ZNF469: variants seen among roughly 807,000 people sequenced by gnomAD.
ZNF469 encodes the protein zinc finger protein 469.
In ZNF469, 1 loss-of-function variant was observed where a neutral mutation model predicts 1.0. That is an observed-to-expected ratio of 1.00 (90% confidence interval 0.35 to 4.73). The LOEUF (loss-of-function observed/expected upper bound fraction) is 4.73. Among genes scored for constraint, ZNF469 ranks in the 30% most tolerant of loss-of-function variants. ZNF469 has a pLI of 0.16. For missense variants in ZNF469, 6,100 were observed against 5,356.3 expected (o/e 1.14, Z -4.33); for synonymous variants, 2,703 against 2,363.4 (o/e 1.14, Z -4.17).
rs1234817297 is a variant in ZNF469 at position 88,428,598 on chromosome 16, G to A, written c.1128G>A (p.Leu376=). The change falls in exon 3 of 3, where the codon CTG becomes CTA. Residue 376 remains leucine (L), a synonymous_variant. Coordinates refer to ENST00000565624, the MANE Select transcript of ZNF469 (RefSeq NM_001367624.2). ...TCTCTGACAGTTTACACAAGAGCCT[G>A]ACCAAAATCCTTCCCGAAAGACCAC... ...RPFSDSLHKS[L]TKILPERPPS... is the part of the protein sequence containing the mutation. 9 of 1,550,102 alleles carry A rather than the reference G, an allele frequency of 5.8e-6. No individual in the cohort carries two copies. Among genetic ancestry groups the A allele is most frequent in the East Asian group, 2.4e-5 (1 of 40,908 alleles).
At chr16:88,387,415 G>A (rs538004759) in intron 1 of ZNF469, among the ~76,000 whole-genome samples, 3 of 152,272 alleles carry the variant, frequency 2.0e-5, no homozygotes, top group East Asian at 1.9e-4. Context: ...GACTCGGGCC[G>A]CGGTCAGCAC....
chr16:88,390,483 G>A (rs923144077), intron 1 of ZNF469, among the ~76,000 whole-genome samples: 10 of 152,212 alleles, frequency 6.6e-5, no homozygotes, highest in Non-Finnish European at 1.3e-4. Context: ...CGCTCTGCCT[G>A]GGAACCCCCA....
chr16:88,336,638 C>T, the ZNF469 span, among the ~76,000 whole-genome samples: 2 of 151,956 alleles, frequency 1.3e-5, no homozygotes, highest in Non-Finnish European at 2.9e-5. Flanking sequence ...AACGTGCCAA[C>T]AGCACATATG....
At chr16:88,141,298 C>A in the ZNF469 span, among the ~76,000 whole-genome samples, 1 of 152,198 alleles carries the variant, frequency 6.6e-6, no homozygotes, top group African/African-American at 2.4e-5. Flanking sequence ...ACAAAAGACA[C>A]CAAAACCAGT....
At chr16:88,268,625 C>T in the ZNF469 span, among the ~76,000 whole-genome samples, 23 of 152,192 alleles carry the variant, frequency 1.5e-4, no homozygotes, top group African/African-American at 3.9e-4. Flanking sequence ...CTCATATCCC[C>T]GTGGGGGTTG....
chr16:88,263,165 G>A, the ZNF469 span, among the ~76,000 whole-genome samples: 11 of 152,212 alleles, frequency 7.2e-5, no homozygotes, highest in African/African-American at 2.4e-4. Context: ...GTCCAACCCC[G>A]GGGTTTACGG....
chr16:88,437,321 G>C lies in ZNF469; in HGVS notation c.9851G>C (p.Gly3284Ala). Residue 3284 changes from glycine (G) to alanine (A), a missense_variant, in exon 3 of 3, where the codon GGG becomes GCG. Coordinates refer to ENST00000565624, the MANE Select transcript of ZNF469 (RefSeq NM_001367624.2). The stretch of plus-strand genomic sequence containing the variant: ...CGCAGCACCCCCAGCAACCCAGACG[G>C]GGCCGCGACCCCAGACAGCGCCTCT... ...RARSTPSNPD[G>A]AATPDSASAT... 1 of 1,547,160 alleles carries C rather than the reference G, an allele frequency of 6.5e-7. No homozygotes were observed. Among genetic ancestry groups the C allele is most frequent in the Non-Finnish European group, 8.7e-7 (1 of 1,145,398 alleles).
In ZNF469 at chr16:88,437,024, C is replaced by G; in HGVS notation, c.9554C>G (p.Ala3185Gly). Residue 3185 changes from alanine to glycine, a missense_variant, in exon 3 of 3, where the codon GCC (alanine) becomes GGC (glycine). By Grantham distance (60) the Ala-to-Gly change is moderately conservative. Transcript: ENST00000565624. ...TGCGGCATGTGCCTGAAGGAGGTGG[C>G]CGACGTCTGGATGTACAACGAGCAC... is the stretch of plus-strand genomic sequence containing the variant. ...WACGMCLKEVADVWMYNEHLR... is the reference protein window; with the variant it reads ...WACGMCLKEVGDVWMYNEHLR... The G allele has an allele frequency of 1.3e-6, 2 of 1,528,230 alleles. No individual in the cohort carries two copies. The highest frequency in any genetic ancestry group is 1.8e-6 in the Non-Finnish European group (2 of 1,139,820). 94.7% of individuals were successfully genotyped at this position (1,528,230 alleles called of 1,614,324 possible). A position where few individuals can be genotyped will look rare whatever the true frequency, so the allele number is the denominator to read the frequency against.
chr16:88,157,867 G>A, the ZNF469 span, among the ~76,000 whole-genome samples: 1 of 151,968 alleles, frequency 6.6e-6, no homozygotes, highest in African/African-American at 2.4e-5. Flanking sequence ...CACCTGGTGA[G>A]GATGCCTGGG....
chr16:88,350,390 A>G, the ZNF469 span, among the ~76,000 whole-genome samples: 1 of 152,210 alleles, frequency 6.6e-6, no homozygotes, highest in Admixed American at 6.5e-5. Context: ...CTCCCGGCGC[A>G]CCCACCTCCC....
chr16:88,118,706 T>C, the ZNF469 span, among the ~76,000 whole-genome samples: 1 of 152,232 alleles, frequency 6.6e-6, no homozygotes, highest in Admixed American at 6.5e-5. Flanking sequence ...GGACTGCTTT[T>C]AAAAGAAGAT....
chr16:88,360,880 G>A, the ZNF469 span, among the ~76,000 whole-genome samples: 1 of 152,208 alleles, frequency 6.6e-6, no homozygotes, highest in East Asian at 1.9e-4. Flanking sequence ...TAGCCTCAGG[G>A]ACCGGTTTCA....
Position 88,436,488 on chromosome 16 carries a change from C to T in ZNF469, c.9018C>T (p.Ala3006=), listed in dbSNP as rs1048591670. The T allele has an allele frequency of 5.8e-6, 9 of 1,547,616 alleles. No homozygotes were observed. The highest frequency in any genetic ancestry group is 2.4e-5 in the South Asian group (2 of 84,066). The change falls in exon 3 of 3, where the codon GCC becomes GCT. Residue 3006 remains alanine (A), a synonymous_variant. Coordinates refer to ENST00000565624, the MANE Select transcript of ZNF469 (RefSeq NM_001367624.2). ...AWRGLEMPAP[A]DDSSSSLGDV... The stretch of plus-strand genomic sequence containing the variant: ...GAGGCCTGGAGATGCCGGCCCCTGC[C>T]GATGACTCCTCCTCTTCTCTCGGAG...
At chr16:88,420,406 T>C (rs1373977712) in intron 1 of ZNF469, among the ~76,000 whole-genome samples, 1 of 152,204 alleles carries the variant, frequency 6.6e-6, no homozygotes, top group Non-Finnish European at 1.5e-5. Flanking sequence ...AGCGTTGATA[T>C]CAGGGTGTCA....
At chr16:88,124,847 G>A in the ZNF469 span, among the ~76,000 whole-genome samples, 2 of 152,254 alleles carry the variant, frequency 1.3e-5, no homozygotes, top group South Asian at 4.1e-4. Flanking sequence ...GTGTTCCAAA[G>A]TGCTGGGATT....
chr16:88,346,714 G>A, the ZNF469 span, among the ~76,000 whole-genome samples: 46 of 152,256 alleles, frequency 3.0e-4, no homozygotes, highest in Non-Finnish European at 2.6e-4. Context: ...ATGGAGTCTC[G>A]CTATGTTGCC....
the ZNF469 span, among the ~76,000 whole-genome samples, chr16:88,369,545 T>A: frequency 1.3e-5 from 2 of 152,256 alleles, no homozygotes; most frequent in Non-Finnish European, 2.9e-5. Context: ...CATTGCTATG[T>A]GACCCTGCGC....
the ZNF469 span, among the ~76,000 whole-genome samples, chr16:88,237,861 T>C: frequency 7.9e-5 from 12 of 152,054 alleles, no homozygotes; most frequent in African/African-American, 2.7e-4. Context: ...CGGCAGCTGC[T>C]GATCTTTCTT....
At chr16:88,233,565 G>T in the ZNF469 span, among the ~76,000 whole-genome samples, 42 of 152,382 alleles carry the variant, frequency 2.8e-4, no homozygotes, top group African/African-American at 1.0e-3. Flanking sequence ...CAAATGTATA[G>T]CAGCTGGCCT....
Sources: allele counts gnomAD v4.1 joint callset (sites outside exome capture counted in the v4.1 genomes callset), GRCh38; gene constraint gnomAD v4.1.1; transcripts MANE v1.5; gene names NCBI Gene and HGNC (gene_info 2026-07-23, HGNC 2026-07-21).